The following IQCM variants were observed in gnomAD, a reference collection of about 807,000 sequenced individuals.
The protein encoded by IQCM is IQ motif containing M, also known as IQ domain-containing protein M.
A neutral mutation model predicts 57.6 loss-of-function variants in IQCM; 45 were observed. The ratio of observed to expected loss-of-function variants is 0.78; its 90% CI spans 0.62 to 1.00. IQCM has a LOEUF of 1.00. Ranked by LOEUF, IQCM falls within the 50% of genes least tolerant of loss-of-function variation. The pLI is 0.00. For synonymous variants in IQCM, 148 were observed against 158.9 expected, an observed-to-expected ratio of 0.93 and a Z score of 0.51; for missense variants, 468 against 511.6, an observed-to-expected ratio of 0.91 and a Z score of 0.82.
At chr4:149,437,152 C>A (rs1036263054) in intron 12 of IQCM, among the ~76,000 whole-genome samples, 22 of 152,084 alleles carry the variant, frequency 1.4e-4, no homozygotes, top group African/African-American at 4.6e-4. Context: ...ATTGTTTTAA[C>A]CAATGGTTCC....
intron 3 of IQCM, among the ~76,000 whole-genome samples, chr4:149,736,044 C>T (rs1766909360): frequency 6.6e-6 from 1 of 151,138 alleles, no homozygotes; most frequent in Non-Finnish European, 1.5e-5. Context: ...GCTTTCCAGG[C>T]TCAAGCAATC....
chr4:149,447,293 C>G (rs1181803175), intron 12 of IQCM, among the ~76,000 whole-genome samples: 1 of 151,416 alleles, frequency 6.6e-6, no homozygotes, highest in African/African-American at 2.4e-5. Flanking sequence ...ATAAAAATTA[C>G]CAGACATGCA....
chr4:149,537,737 A>G (rs1258990287), intron 12 of IQCM, among the ~76,000 whole-genome samples: 1 of 151,972 alleles, frequency 6.6e-6, no homozygotes, highest in African/African-American at 2.4e-5. Flanking sequence ...CATCATACAC[A>G]AGATAACAAA....
intron 13 of IQCM, among the ~76,000 whole-genome samples, chr4:149,376,175 T>C (rs1261652240): frequency 6.6e-6 from 1 of 152,150 alleles, no homozygotes; most frequent in Non-Finnish European, 1.5e-5. Flanking sequence ...CTATCCAAAT[T>C]ACAATAAGAA....
chr4:149,734,501 G>C (rs1198029686), intron 4 of IQCM, among the ~76,000 whole-genome samples: 4 of 152,042 alleles, frequency 2.6e-5, no homozygotes. Flanking sequence ...TGGCATAAAG[G>C]ACCATTCAAA....
At chr4:149,573,807 G>T (rs998873453) in intron 9 of IQCM, among the ~76,000 whole-genome samples, 2 of 151,574 alleles carry the variant, frequency 1.3e-5, no homozygotes, top group African/African-American at 4.8e-5. Flanking sequence ...AAATAGTTTT[G>T]TTGGATGATT....
chr4:149,497,697 C>T (rs970104674), intron 12 of IQCM, among the ~76,000 whole-genome samples: 1 of 149,408 alleles, frequency 6.7e-6, no homozygotes, highest in Non-Finnish European at 1.5e-5. Context: ...GGTCACTTTT[C>T]CTGAAAGTCT....
chr4:149,435,903 G>C (rs1363887266), intron 12 of IQCM, among the ~76,000 whole-genome samples: 1 of 152,062 alleles, frequency 6.6e-6, no homozygotes, highest in Non-Finnish European at 1.5e-5. Context: ...TTTCAGCTAA[G>C]CATTATCACA....
intron 6 of IQCM, 132 bp from the exon 7 acceptor site, chr4:149,682,338 G>T (rs1248865692): frequency 1.5e-5 from 6 of 393,204 alleles, no homozygotes. Flanking sequence ...GACTACACCT[G>T]TTGTTCCCTC....
intron 12 of IQCM, among the ~76,000 whole-genome samples, chr4:149,440,082 G>T (rs1400537719): frequency 6.8e-6 from 1 of 146,654 alleles, no homozygotes; most frequent in Non-Finnish European, 1.5e-5. Flanking sequence ...TCAGCCTCCC[G>T]AGTAGCTAGG....
At chr4:149,653,942 G>C (rs1414228872) in intron 7 of IQCM, among the ~76,000 whole-genome samples, 2 of 152,014 alleles carry the variant, frequency 1.3e-5, no homozygotes, top group East Asian at 3.9e-4. Flanking sequence ...TCTAATAAAA[G>C]TGGATACACA....
intron 2 of IQCM, among the ~76,000 whole-genome samples, chr4:149,775,315 C>T (rs1314958307): frequency 6.9e-6 from 1 of 144,198 alleles, no homozygotes; most frequent in Non-Finnish European, 1.5e-5. Flanking sequence ...CAGCCCAAGA[C>T]AAAAAAAAAA....
At chr4:149,456,402 C>T (rs1454096370) in intron 12 of IQCM, among the ~76,000 whole-genome samples, 6 of 151,890 alleles carry the variant, frequency 4.0e-5, no homozygotes, top group African/African-American at 1.2e-4. Context: ...TTTGCATATA[C>T]AAAATGAGAT....
chr4:149,518,599 GAAGAA>G (rs1348530039), intron 12 of IQCM, among the ~76,000 whole-genome samples: 1 of 152,102 alleles, frequency 6.6e-6, no homozygotes, highest in African/African-American at 2.4e-5. Flanking sequence ...AGGAAAATAG[GAAGAA>G]AAGAAAGTCA....
chr4:149,608,113 T>G (rs1377201722), intron 8 of IQCM, among the ~76,000 whole-genome samples: 1 of 150,068 alleles, frequency 6.7e-6, no homozygotes, highest in East Asian at 2.0e-4. Context: ...AAAAAAAGAG[T>G]AGGAATGGCT....
At chr4:149,563,669 A>G (rs1750346023) in intron 10 of IQCM, 23 bp downstream of exon 10, 1 of 1,220,514 alleles carries the variant, frequency 8.2e-7, no homozygotes, top group Admixed American at 4.2e-5. Context: ...TAAACACATT[A>G]TAATATCTGA....
intron 12 of IQCM, among the ~76,000 whole-genome samples, chr4:149,501,681 A>T (rs1271881761): frequency 1.3e-5 from 2 of 152,212 alleles, no homozygotes; most frequent in African/African-American, 4.8e-5. Flanking sequence ...TATCCTGCTA[A>T]GAAACATTAG....
chr4:149,673,756 C>T (rs1191001249), intron 7 of IQCM, among the ~76,000 whole-genome samples: 1 of 152,110 alleles, frequency 6.6e-6, no homozygotes, highest in African/African-American at 2.4e-5. Context: ...TTGAACTCAG[C>T]TCTGCACCAA....
intron 12 of IQCM, among the ~76,000 whole-genome samples, chr4:149,489,778 T>C (rs1404592924): frequency 1.3e-5 from 2 of 151,792 alleles, no homozygotes; most frequent in Admixed American, 1.3e-4. Flanking sequence ...TGTGTGTGTG[T>C]ATATATATAC....
Sources: gnomAD v4.1 joint callset for allele counts (sites outside exome capture counted in the v4.1 genomes callset) on GRCh38, gnomAD v4.1.1 for gene constraint, MANE v1.5 for transcripts, NCBI Gene and HGNC (gene_info 2026-07-23, HGNC 2026-07-21) for gene names.